Variants in FARP2 observed in about 807,000 individuals in gnomAD.
FARP2 encodes the protein FERM, ARH/RhoGEF and pleckstrin domain protein 2.
A neutral mutation model predicts 130.5 loss-of-function variants in FARP2; 111 were observed. The ratio of observed to expected loss-of-function variants is 0.85; its 90% CI spans 0.73 to 1.00. The LOEUF is 1.00. Among genes scored for constraint, FARP2 ranks in the 50% least tolerant of loss-of-function variants. The pLI is 0.00. For synonymous variants in FARP2, 504 were observed against 516.9 expected, an observed-to-expected ratio of 0.98 and a Z score of 0.34; for missense variants, 1,385 against 1,346.3, an observed-to-expected ratio of 1.03 and a Z score of -0.45.
chr2:241,367,453 A>G (rs2061341464), intron 1 of FARP2, among the ~76,000 whole-genome samples: 1 of 152,192 alleles, frequency 6.6e-6, no homozygotes. Context: ...AGAATAAAGA[A>G]GGATCCGTCT....
chr2:241,357,322 T>G (rs529789894), intron 1 of FARP2, among the ~76,000 whole-genome samples: 13 of 152,024 alleles, frequency 8.6e-5, no homozygotes, highest in South Asian at 2.1e-4. Context: ...CGTGTTGGTC[T>G]TGTGTAGACT....
At chr2:241,376,651 C>T (rs750731521) in intron 2 of FARP2, among the ~76,000 whole-genome samples, 4 of 152,234 alleles carry the variant, frequency 2.6e-5, no homozygotes, top group Admixed American at 6.5e-5. Flanking sequence ...GTCTTGCTGT[C>T]GTTTGTCCAC....
intron 2 of FARP2, among the ~76,000 whole-genome samples, chr2:241,402,937 C>T (rs1256480324): frequency 1.1e-5 from 1 of 92,554 alleles, no homozygotes; most frequent in African/African-American, 4.5e-5. Context: ...TGCCATGTTG[C>T]CCAGGCTTAT....
intron 2 of FARP2, among the ~76,000 whole-genome samples, chr2:241,382,319 G>A (rs1276788153): frequency 3.0e-5 from 4 of 133,362 alleles, no homozygotes; most frequent in Non-Finnish European, 6.2e-5. Context: ...TTTTGAGGCA[G>A]GGTCTCATTC....
chr2:241,381,100 C>G (rs1284889537), intron 2 of FARP2, among the ~76,000 whole-genome samples: 1 of 152,162 alleles, frequency 6.6e-6, no homozygotes, highest in African/African-American at 2.4e-5. Flanking sequence ...TTGCCTCGTG[C>G]CGCTGGTGTT....
chr2:241,465,417 T>G, intron 17 of FARP2: 1 of 1,503,798 alleles, frequency 6.6e-7, no homozygotes, highest in Non-Finnish European at 9.1e-7. Context: ...GCCCTGGGAC[T>G]TGTTTCCACC....
intron 13 of FARP2, chr2:241,442,178 A>G (rs1196726378): frequency 2.2e-6 from 1 of 452,124 alleles, no homozygotes; most frequent in South Asian, 1.6e-5. Context: ...TCCCTCAATA[A>G]CATGCCACTA....
In FARP2 at chr2:241,453,771, T is replaced by G. The variant is rs1438734915; in HGVS notation, c.1412-2976T>G. On this transcript the variant is annotated intron_variant, in intron 13 of 26. Coordinates refer to ENST00000264042, the MANE Select transcript of FARP2 (RefSeq NM_014808.4). Reference sequence around the variant, plus strand: ...TTTACTGGGAGTGGCACTTACTGGTTTTTTTTTTTTTTTTTTTTTTTTTTT... The same window carrying G: ...TTTACTGGGAGTGGCACTTACTGGTGTTTTTTTTTTTTTTTTTTTTTTTTT... 1.7e-3 allele frequency among the ~76,000 whole-genome samples: 23 copies of G among 13,766 alleles called. 1 individual carries two copies. The highest frequency in any genetic ancestry group is 4.7e-3 in the African/African-American group (20 of 4,298). The allele number at this position is 13,766 out of a possible 152,430, so 9.0% of individuals were successfully genotyped here.
Position 241,492,964 on chromosome 2 carries a change from A to G in FARP2, c.2823A>G (p.Lys941=), listed in dbSNP as rs774148238. ...CAGGATATCTGCTAAGAAAGTTCAA[A>G]AACAGTCATGGCTGGCAGAAGCTCT... ...QLSGYLLRKF[K]NSHGWQKLWV... is the part of the protein sequence containing the mutation. Residue 941 remains lysine, a synonymous_variant, in exon 25 of 27, where the codon AAA becomes AAG. Coordinates refer to ENST00000264042, the MANE Select transcript of FARP2 (RefSeq NM_014808.4). 2 of 1,613,088 alleles carry G rather than the reference A, an allele frequency of 1.2e-6. No individual in the cohort carries two copies. Among genetic ancestry groups the G allele is most frequent in the Non-Finnish European group, 1.7e-6 (2 of 1,179,048 alleles).
In FARP2 at chr2:241,437,666, A is replaced by ATTTTT. The variant is rs1243876155; in HGVS notation, c.1158+1131_1158+1132insTTTTT. Among the ~76,000 whole-genome samples the ATTTTT allele has an allele frequency of 8.4e-4, 108 of 129,274 alleles. 1 individual carries two copies. The highest frequency in any genetic ancestry group is 7.9e-3 in the Middle Eastern group (2 of 252). The allele number at this position is 129,274 out of a possible 152,430, so 84.8% of individuals were successfully genotyped here. Reference sequence around the variant, plus strand: ...TATATATATATTTATTTATTTATTTATTTATTTTTTTTTTTTGAGACGGAG... The same window carrying ATTTTT: ...TATATATATATTTATTTATTTATTTATTTTTTTTATTTTTTTTTTTTGAGACGGAG... On this transcript the variant is annotated intron_variant, in intron 12 of 26. Coordinates refer to ENST00000264042, the MANE Select transcript of FARP2 (RefSeq NM_014808.4).
chr2:241,436,747 G>A (rs2063239911), intron 12 of FARP2, among the ~76,000 whole-genome samples: 1 of 152,252 alleles, frequency 6.6e-6, no homozygotes, highest in Non-Finnish European at 1.5e-5. Flanking sequence ...CTCCTTGGGA[G>A]GCCAGGGCAG....
At position 241,475,951 on chromosome 2, in the gene FARP2, C is replaced by G; in HGVS notation, c.2226C>G (p.Asp742Glu). 6.2e-7 allele frequency: 1 copy of G among 1,614,024 alleles called. No individual in the cohort carries two copies. Among genetic ancestry groups the G allele is most frequent in the Non-Finnish European group, 8.5e-7 (1 of 1,179,932 alleles). The change falls in exon 19 of 27, where the codon GAC becomes GAG. Residue 742 changes from aspartate (D) to glutamate (E), a missense_variant. By Grantham distance (45) the Asp-to-Glu change is conservative (BLOSUM62 2). Coordinates refer to ENST00000264042, the MANE Select transcript of FARP2 (RefSeq NM_014808.4). This position sits in a 1 kb window ranked among gnomAD's most constrained non-coding sequence, Gnocchi z 4.4. ...AGAAGCTAACGGAGCTGCAGCGGGA[C>G]CTGGTGGGCATAGAGAACCTCATTG... ...NLQKLTELQR[D>E]LVGIENLIAP... is the part of the protein sequence containing the mutation.
chr2:241,395,051 T>C (rs2061996729), intron 2 of FARP2, among the ~76,000 whole-genome samples: 1 of 152,136 alleles, frequency 6.6e-6, no homozygotes, highest in Non-Finnish European at 1.5e-5. Flanking sequence ...CTTATTACAC[T>C]CCCATAAAAC....
intron 13 of FARP2, among the ~76,000 whole-genome samples, chr2:241,447,798 G>T (rs1207192729): frequency 6.6e-6 from 1 of 152,198 alleles, no homozygotes; most frequent in African/African-American, 2.4e-5. Context: ...TGGGGGCAGG[G>T]CTTTGGACAC....
rs763540978 is a variant in FARP2 at position 241,493,373 on chromosome 2, CTA to C, written c.2978_2979del (p.Tyr993CysfsTer16). ...PREADGIHKDYVFKLQFKSHV... is the reference protein window; with the variant it reads ...PREADGIHKDXVFKLQFKSHV... ...GGGAGGCCGATGGCATACACAAAGACTATGTTTTCAAGCTCCAGTTCAAATCC... is the reference window on the plus strand; with the variant it reads ...GGGAGGCCGATGGCATACACAAAGACTGTTTTCAAGCTCCAGTTCAAATCC... On this transcript the variant is annotated frameshift_variant, in exon 26 of 27. Transcript: ENST00000264042. LOFTEE classifies it high-confidence loss of function. The C allele has an allele frequency of 1.2e-6, 2 of 1,613,916 alleles. No individual in the cohort carries two copies. Among genetic ancestry groups the C allele is most frequent in the Admixed American group, 1.7e-5 (1 of 60,004 alleles).
chr2:241,362,932 G>C (rs947492089), intron 1 of FARP2, among the ~76,000 whole-genome samples: 1 of 152,240 alleles, frequency 6.6e-6, no homozygotes, highest in African/African-American at 2.4e-5. Flanking sequence ...TGGATGTGGA[G>C]CTGTGGTTCT....
intron 1 of FARP2, among the ~76,000 whole-genome samples, chr2:241,366,783 C>G (rs562425163): frequency 1.3e-3 from 204 of 152,134 alleles, no homozygotes; most frequent in Non-Finnish European, 2.2e-3. Context: ...TGAAAAATAT[C>G]TGATTAACCC....
chr2:241,491,767 G>A (rs2064922753), intron 24 of FARP2, 88 bp downstream of exon 24: 2 of 1,338,022 alleles, frequency 1.5e-6, no homozygotes, highest in Non-Finnish European at 1.0e-6. Flanking sequence ...CCTCAGGAGG[G>A]TACCAGCAGG....
chr2:241,420,012 G>A (rs1012385585), intron 8 of FARP2, among the ~76,000 whole-genome samples: 4 of 152,070 alleles, frequency 2.6e-5, no homozygotes, highest in Non-Finnish European at 5.9e-5. Flanking sequence ...TTCATTGGGT[G>A]TAGTGGCATG....
Sources: allele counts gnomAD v4.1 joint callset (sites outside exome capture counted in the v4.1 genomes callset), GRCh38; gene constraint gnomAD v4.1.1; non-coding constraint Gnocchi (gnomAD v3.1); transcripts MANE v1.5; gene names NCBI Gene and HGNC (gene_info 2026-07-23, HGNC 2026-07-21).